The following NTN1 variants were observed in gnomAD, a reference collection of about 807,000 sequenced individuals.
NTN1 encodes the protein netrin-1.
Under a neutral mutation model 54.2 loss-of-function variants are expected in NTN1, and 11 were observed. The ratio of observed to expected loss-of-function variants is 0.20; its 90% CI spans 0.13 to 0.34. NTN1 has a LOEUF of 0.34. NTN1 is among the 10% of genes least tolerant of loss of function. The pLI is 1.00. For synonymous variants in NTN1, 371 were observed against 382.0 expected (o/e 0.97, Z 0.33); for missense variants, 740 against 893.1 (o/e 0.83, Z 2.18).
rs151078503 is a variant in NTN1 at position 9,182,023 on chromosome 17, G to A, written c.1358-893G>A. Among the ~76,000 whole-genome samples the A allele has an allele frequency of 2.2e-3, 342 of 152,322 alleles. 1 individual carries two copies. Among genetic ancestry groups the A allele is most frequent in the Non-Finnish European group, 2.8e-3 (188 of 68,024 alleles). On this transcript the variant is annotated intron_variant, in intron 4 of 6. Transcript: ENST00000173229. ...GACAGGATCTTGCTCTGTTGCCCAG[G>A]CTGGAGTGCAGTGGTACCATCATAG...
At chr17:9,029,284 C>T (rs1258265290) in intron 2 of NTN1, among the ~76,000 whole-genome samples, 1 of 152,092 alleles carries the variant, frequency 6.6e-6, no homozygotes, top group Non-Finnish European at 1.5e-5. Flanking sequence ...ATCAGATTGC[C>T]ACAAGGAACG....
rs577113703 is a variant in NTN1 at position 9,233,044 on chromosome 17, C to T, written c.1487-6596C>T. Reference sequence around the variant, plus strand: ...GGGTGACAAGCCTCCCCTAGCTGGACCGGCCCAACAGGAAGGTATGGCTGT... The same window carrying T: ...GGGTGACAAGCCTCCCCTAGCTGGATCGGCCCAACAGGAAGGTATGGCTGT... On this transcript the variant is annotated intron_variant, in intron 6 of 6. Coordinates refer to ENST00000173229, the MANE Select transcript of NTN1 (RefSeq NM_004822.3). Among the ~76,000 whole-genome samples, 16 of 152,122 alleles carry T rather than the reference C, an allele frequency of 1.1e-4. 2 individuals carry two copies. Among genetic ancestry groups the T allele is most frequent in the African/African-American group, 3.9e-4 (16 of 41,374 alleles).
At chr17:9,106,027 C>T (rs1597489391) in intron 2 of NTN1, among the ~76,000 whole-genome samples, 1 of 152,172 alleles carries the variant, frequency 6.6e-6, no homozygotes, top group Non-Finnish European at 1.5e-5. Flanking sequence ...TCAACAATAT[C>T]GCCTGGGAAC....
chr17:9,082,144 C>T (rs1454758569), intron 2 of NTN1, among the ~76,000 whole-genome samples: 3 of 152,222 alleles, frequency 2.0e-5, no homozygotes, highest in Non-Finnish European at 4.4e-5. Context: ...ACTGCAACCT[C>T]TGCCTCCTGG....
intron 2 of NTN1, among the ~76,000 whole-genome samples, chr17:9,057,192 C>T (rs1419447517): frequency 6.6e-6 from 1 of 151,660 alleles, no homozygotes; most frequent in South Asian, 2.1e-4. Flanking sequence ...CCACTTCACC[C>T]TCAGCATGAC....
At chr17:9,234,118 G>A (rs1389752428) in intron 6 of NTN1, among the ~76,000 whole-genome samples, 1 of 152,250 alleles carries the variant, frequency 6.6e-6, no homozygotes, top group African/African-American at 2.4e-5. Flanking sequence ...AGCCCCATGT[G>A]GGCGTCTCCT....
chr17:9,068,722 G>C (rs2092023512), intron 2 of NTN1, among the ~76,000 whole-genome samples: 1 of 151,968 alleles, frequency 6.6e-6, no homozygotes, highest in African/African-American at 2.4e-5. Context: ...TGGTCAGGCT[G>C]GTCTCGAACT....
At chr17:9,132,422 C>T (rs1258902415) in intron 2 of NTN1, among the ~76,000 whole-genome samples, 10 of 152,236 alleles carry the variant, frequency 6.6e-5, no homozygotes, top group Admixed American at 4.6e-4. Flanking sequence ...TCCGTCTTCT[C>T]TAGCAGGGAC....
chr17:9,237,912 C>T (rs894666195), intron 6 of NTN1, among the ~76,000 whole-genome samples: 1 of 152,176 alleles, frequency 6.6e-6, no homozygotes, highest in African/African-American at 2.4e-5. Context: ...AAACGGTTGC[C>T]ATGGCAGCCA....
Position 9,216,620 on chromosome 17 carries a change from G to A in NTN1, c.1412-4548G>A, listed in dbSNP as rs143546239. Among the ~76,000 whole-genome samples the A allele has an allele frequency of 8.9e-3, 1,356 of 152,352 alleles. 74 individuals are homozygous for A. Among genetic ancestry groups the A allele is most frequent in the Admixed American group, 0.074 (1,134 of 15,300 alleles). ...ATTTAAGGAGGATGGCCAGGAAGGC[G>A]CACAGCTCTGTCTTCAGCTCCTGGT... On this transcript the variant is annotated intron_variant, in intron 5 of 6. Transcript: ENST00000173229.
chr17:9,234,717 G>A (rs1053064160), intron 6 of NTN1, among the ~76,000 whole-genome samples: 4 of 152,204 alleles, frequency 2.6e-5, no homozygotes, highest in African/African-American at 4.8e-5. Context: ...GAGGAAGGGA[G>A]GATGAAGTTG....
intron 2 of NTN1, among the ~76,000 whole-genome samples, chr17:9,028,269 TG>T (rs2091877653): frequency 6.6e-6 from 1 of 152,182 alleles, no homozygotes; most frequent in African/African-American, 2.4e-5. Context: ...TCCCGGCCAC[TG>T]GTGTGGTGCC....
At chr17:9,182,226 CAAACGTG>C (rs1555574042) in intron 4 of NTN1, among the ~76,000 whole-genome samples, 1 of 63,242 alleles carries the variant, frequency 1.6e-5, no homozygotes, top group South Asian at 7.1e-4. Context: ...CCATCCTCCC[CAAACGTG>C]TTGGGCCCCA....
intron 2 of NTN1, among the ~76,000 whole-genome samples, chr17:9,121,755 G>A (rs1263669160): frequency 1.3e-5 from 2 of 152,138 alleles, no homozygotes; most frequent in Non-Finnish European, 2.9e-5. Flanking sequence ...GAGTGGAGTT[G>A]AACTGACTCC....
intron 2 of NTN1, among the ~76,000 whole-genome samples, chr17:9,121,390 T>C (rs1323800106): frequency 6.6e-6 from 1 of 152,030 alleles, no homozygotes; most frequent in Non-Finnish European, 1.5e-5. Flanking sequence ...CTCATCCTAT[T>C]TTTGCTCTCC....
At chr17:9,167,319 G>A (rs756090753) in intron 3 of NTN1, among the ~76,000 whole-genome samples, 5 of 152,224 alleles carry the variant, frequency 3.3e-5, no homozygotes, top group Non-Finnish European at 5.9e-5. Context: ...TCTTTAGAGC[G>A]GGCAAAGACG....
intron 5 of NTN1, among the ~76,000 whole-genome samples, chr17:9,187,350 C>T (rs561456755): frequency 3.2e-4 from 49 of 152,114 alleles, no homozygotes; most frequent in Admixed American, 2.4e-3. Flanking sequence ...TCCAGCAGCT[C>T]ATGGTAGAGC....
At chr17:9,209,351 T>C (rs554716582) in intron 5 of NTN1, among the ~76,000 whole-genome samples, 10 of 152,302 alleles carry the variant, frequency 6.6e-5, no homozygotes, top group African/African-American at 2.4e-4. Context: ...AAGAAGAGTA[T>C]TCTAGATTGG....
At chr17:9,103,679 C>T (rs2092157228) in intron 2 of NTN1, among the ~76,000 whole-genome samples, 1 of 152,022 alleles carries the variant, frequency 6.6e-6, no homozygotes, top group African/African-American at 2.4e-5. Flanking sequence ...TGGACTAATA[C>T]AACATACAAT....
Sources: gnomAD v4.1 joint callset for allele counts (sites outside exome capture counted in the v4.1 genomes callset) on GRCh38, gnomAD v4.1.1 for gene constraint, MANE v1.5 for transcripts, NCBI Gene and HGNC (gene_info 2026-07-23, HGNC 2026-07-21) for gene names.